COL21A1: variants seen among roughly 807,000 people sequenced by gnomAD.
The protein encoded by COL21A1 is collagen alpha-1(XXI) chain.
COL21A1 carries 149 observed loss-of-function variants against 137.9 expected under a neutral mutation model. The ratio of observed to expected loss-of-function variants is 1.08; its 90% CI spans 0.95 to 1.24. The LOEUF (loss-of-function observed/expected upper bound fraction) is 1.24. COL21A1 is among the 50% of genes most tolerant of loss of function. The pLI, the probability that COL21A1 is intolerant of heterozygous loss-of-function variation, is 0.00. For missense variants in COL21A1, 1,167 were observed against 1,158.4 expected (o/e 1.01, Z -0.11); for synonymous variants, 456 against 391.5 (o/e 1.16, Z -1.95).
intron 16 of COL21A1, among the ~76,000 whole-genome samples, chr6:56,104,104 T>C (rs1357998691): frequency 6.6e-6 from 1 of 152,210 alleles, no homozygotes; most frequent in Non-Finnish European, 1.5e-5. Flanking sequence ...GTTATTTGCT[T>C]GACTTGCACA....
At chr6:56,060,412 C>CAA in intron 27 of COL21A1, 194 bp from the exon 28 acceptor site, 1 of 545,540 alleles carries the variant, frequency 1.8e-6, no homozygotes. Context: ...TTTATTAGAG[C>CAA]AATTGCTTAA....
At chr6:56,349,795 C>A (rs1765671658) in intron 1 of COL21A1, among the ~76,000 whole-genome samples, 1 of 152,114 alleles carries the variant, frequency 6.6e-6, no homozygotes, top group African/African-American at 2.4e-5. Flanking sequence ...ATTTTGTTGT[C>A]AAAAGAAAGC....
Position 56,108,158 on chromosome 6 carries a change from A to T in COL21A1, c.1759-6633T>A, listed in dbSNP as rs373346979. On this transcript the variant is annotated intron_variant, in intron 16 of 29. Coordinates refer to ENST00000244728, the MANE Select transcript of COL21A1 (RefSeq NM_030820.4). Reference sequence around the variant, plus strand: ...CCAAAGAAATTAAAAGCAGAATAGGAAAAGTCAACAAAAACACATTGAGAA... The same window carrying T: ...CCAAAGAAATTAAAAGCAGAATAGGTAAAGTCAACAAAAACACATTGAGAA... Among the ~76,000 whole-genome samples, 56 of 152,126 alleles carry T rather than the reference A, an allele frequency of 3.7e-4. No individual in the cohort carries two copies. In the South Asian group the frequency reaches 0.012, roughly 32 times the overall value.
chr6:56,238,790 G>A lies in COL21A1; in HGVS notation c.-39+8597C>T, dbSNP rs147958930. Reference sequence around the variant, plus strand: ...TACATGAAGAATATTCTCACCTAAAGAAGCAACAAGCTTTCCAAAACATAG... The same window carrying A: ...TACATGAAGAATATTCTCACCTAAAAAAGCAACAAGCTTTCCAAAACATAG... On this transcript the variant is annotated intron_variant, in intron 1 of 29. Transcript: ENST00000244728. Among the ~76,000 whole-genome samples, 479 of 152,264 alleles carry A rather than the reference G, an allele frequency of 3.1e-3. 2 individuals carry two copies. Among genetic ancestry groups the A allele is most frequent in the Non-Finnish European group, 4.9e-3 (336 of 68,002 alleles).
chr6:56,220,565 G>C (rs1780766687), intron 1 of COL21A1, among the ~76,000 whole-genome samples: 1 of 152,100 alleles, frequency 6.6e-6, no homozygotes, highest in South Asian at 2.1e-4. Context: ...GTATAACTAA[G>C]AAAGATGGAA....
chr6:56,073,500 A>C (rs138665365), intron 20 of COL21A1, among the ~76,000 whole-genome samples: 1 of 151,650 alleles, frequency 6.6e-6, no homozygotes, highest in African/African-American at 2.4e-5. Flanking sequence ...GCTTAGTCAA[A>C]GGTTGACTGC....
At chr6:56,154,852 A>AC (rs1775618699) in intron 10 of COL21A1, among the ~76,000 whole-genome samples, 1 of 152,082 alleles carries the variant, frequency 6.6e-6, no homozygotes, top group Non-Finnish European at 1.5e-5. Flanking sequence ...CCAGGTGGCT[A>AC]CCACTTTTGT....
chr6:56,068,942 A>C, intron 22 of COL21A1, 104 bp downstream of exon 22: 1 of 739,350 alleles, frequency 1.4e-6, no homozygotes, highest in Non-Finnish European at 2.3e-6. Context: ...CTTTATCATT[A>C]AAAATATATT....
intron 1 of COL21A1, among the ~76,000 whole-genome samples, chr6:56,321,640 C>A (rs574823495): frequency 1.3e-5 from 2 of 152,292 alleles, no homozygotes; most frequent in Non-Finnish European, 2.9e-5. Context: ...ATCAACAACA[C>A]ATTCGGCCCA....
chr6:56,162,633 C>T (rs1377327735), intron 9 of COL21A1, among the ~76,000 whole-genome samples: 1 of 152,182 alleles, frequency 6.6e-6, no homozygotes, highest in African/African-American at 2.4e-5. Flanking sequence ...TTGAACCTCA[C>T]TGAGAGTCAG....
chr6:56,200,166 T>C (rs1290753124), intron 1 of COL21A1, among the ~76,000 whole-genome samples: 1 of 152,158 alleles, frequency 6.6e-6, no homozygotes, highest in East Asian at 1.9e-4. Context: ...GAGTCATGCA[T>C]GTGGGAGCAA....
chr6:56,214,271 C>A (rs544304093), intron 1 of COL21A1, among the ~76,000 whole-genome samples: 2 of 152,062 alleles, frequency 1.3e-5, no homozygotes, highest in Admixed American at 1.3e-4. Flanking sequence ...GCAATTTGGG[C>A]TAATTTCAAC....
chr6:56,240,340 G>A (rs1367052772), intron 1 of COL21A1, among the ~76,000 whole-genome samples: 5 of 152,096 alleles, frequency 3.3e-5, no homozygotes, highest in Non-Finnish European at 7.4e-5. Flanking sequence ...CAGCCATGAG[G>A]CGCCACCCTG....
At chr6:56,062,544 A>G (rs1765891367) in intron 24 of COL21A1, among the ~76,000 whole-genome samples, 2 of 152,186 alleles carry the variant, frequency 1.3e-5, no homozygotes, top group African/African-American at 4.8e-5. Context: ...AAAATAAAAA[A>G]TCAGTGTTCT....
chr6:56,156,889 G>C lies in COL21A1; in HGVS notation c.1432C>G (p.Pro478Ala). 1 of 1,610,898 alleles carries C rather than the reference G, an allele frequency of 6.2e-7. No individual in the cohort carries two copies. The highest frequency in any genetic ancestry group is 8.5e-7 in the Non-Finnish European group (1 of 1,178,316). ...YPGQPGQDGK[P>A]GYQGIAGTPG... is the part of the protein sequence containing the mutation. ...ATGACTAAGCTTTCAGTACTCACAG[G>C]CTTACCATCTTGACCAGGTTGTCCA... Residue 478 changes from proline (P) to alanine (A), a missense_variant and splice_region_variant, in exon 10 of 30, where the codon CCT becomes GCT. Coordinates refer to ENST00000244728, the MANE Select transcript of COL21A1 (RefSeq NM_030820.4).
At chr6:56,191,705 A>G (rs1778694842) in intron 1 of COL21A1, among the ~76,000 whole-genome samples, 2 of 152,144 alleles carry the variant, frequency 1.3e-5, no homozygotes, top group South Asian at 4.2e-4. Context: ...GACCTCTTCA[A>G]GAAGAACTAC....
At chr6:56,370,607 A>G (rs1766217915) in intron 1 of COL21A1, among the ~76,000 whole-genome samples, 1 of 152,232 alleles carries the variant, frequency 6.6e-6, no homozygotes. Context: ...TTATATGGCA[A>G]AGCTGCTCCC....
chr6:56,099,959 G>T (rs185379428), intron 17 of COL21A1, among the ~76,000 whole-genome samples: 3 of 152,146 alleles, frequency 2.0e-5, no homozygotes, highest in South Asian at 2.1e-4. Context: ...CACACACCAG[G>T]AGCTCATACA....
At position 56,060,052 on chromosome 6, in the gene COL21A1, A is replaced by T; in HGVS notation, c.2574T>A (p.Gly858=). 6.2e-7 allele frequency: 1 copy of T among 1,608,352 alleles called. No individual in the cohort carries two copies. Among genetic ancestry groups the T allele is most frequent in the Non-Finnish European group, 8.5e-7 (1 of 1,178,178 alleles). ...CTCTGACACCTGGACGTCCAGGGAC[A>T]CCCACTAATCCAGGAACACCATCTC... is the stretch of plus-strand genomic sequence containing the variant. ...PGRDGVPGLV[G]VPGRPGVRGL... is the part of the protein sequence containing the mutation. The change falls in exon 28 of 30, where the codon GGT becomes GGA. Residue 858 remains glycine (G), a synonymous_variant. Coordinates refer to ENST00000244728, the MANE Select transcript of COL21A1 (RefSeq NM_030820.4).
Sources: allele counts gnomAD v4.1 joint callset (sites outside exome capture counted in the v4.1 genomes callset), GRCh38; gene constraint gnomAD v4.1.1; transcripts MANE v1.5; gene names NCBI Gene and HGNC (gene_info 2026-07-23, HGNC 2026-07-21).